The following XYLT1 variants were observed in gnomAD, a reference collection of about 807,000 sequenced individuals.
XYLT1 encodes the protein xylosyltransferase 1.
XYLT1 carries 36 observed loss-of-function variants against 91.3 expected under a neutral mutation model. That is an observed-to-expected ratio of 0.39 (90% CI 0.30 to 0.52). The LOEUF (loss-of-function observed/expected upper bound fraction) is 0.52. XYLT1 is among the 20% of genes least tolerant of loss of function. The pLI, the probability that XYLT1 is intolerant of heterozygous loss-of-function variation, is 0.68. For synonymous variants in XYLT1, 588 were observed against 532.0 expected (o/e 1.11, Z -1.45); for missense variants, 1,242 against 1,284.5 (o/e 0.97, Z 0.51).
rs201348549 is a variant in XYLT1, at chr16:17,117,841, C to T, written c.2362G>A (p.Val788Ile). 5.4e-5 allele frequency: 87 copies of T among 1,613,988 alleles called. No homozygotes were observed. Among genetic ancestry groups the T allele is most frequent in the Middle Eastern group, 3.3e-4 (2 of 6,084 alleles). The change falls in exon 11 of 12, where the codon GTC becomes ATC. Residue 788 changes from valine (V) to isoleucine (I), a missense_variant. Transcript: ENST00000261381. ...VTVTVIWVDP[V>I]NVIAATYDIL... ...TCGTAGGTGGCTGCGATGACATTGA[C>T]GGGATCCACCCAAATGACGGTCACG...
chr16:17,224,272 GA>G, intron 3 of XYLT1, among the ~76,000 whole-genome samples: 2 of 152,324 alleles, frequency 1.3e-5, no homozygotes, highest in East Asian at 3.9e-4. Context: ...GGGTGAAGGT[GA>G]ACCATTTACA....
intron 1 of XYLT1, among the ~76,000 whole-genome samples, chr16:17,435,123 G>A (rs753269359): frequency 1.8e-4 from 27 of 152,328 alleles, no homozygotes; most frequent in Non-Finnish European, 2.8e-4. Flanking sequence ...CTGCGTACAT[G>A]GTTCAGGTCC....
At position 17,358,048 on chromosome 16, in the gene XYLT1, A is replaced by G. The variant is rs532467057; in HGVS notation, c.366T>C (p.Asp122=). The G allele has an allele frequency of 5.5e-5, 88 of 1,613,540 alleles. 1 individual carries two copies. The South Asian group carries it at 8.7e-4, about 16-fold the overall frequency. Residue 122 remains aspartate, a splice_region_variant and synonymous_variant, in exon 2 of 12, where the codon GAT becomes GAC. Transcript: ENST00000261381. ...SRGALPARAL[D]PHPSPLITLE... is the part of the protein sequence containing the mutation. ...GGGTGATGAGCGGACTTGGGTGTGG[A>G]TCCTGTAGGATGAAAGGAGAAAATG...
intron 1 of XYLT1, among the ~76,000 whole-genome samples, chr16:17,406,045 C>T (rs543828281): frequency 8.5e-5 from 13 of 152,112 alleles, no homozygotes; most frequent in African/African-American, 2.9e-4. Flanking sequence ...ATTAGCCAGG[C>T]GTGGTGGTGC....
At chr16:17,418,951 G>C (rs900855272) in intron 1 of XYLT1, among the ~76,000 whole-genome samples, 2 of 151,954 alleles carry the variant, frequency 1.3e-5, no homozygotes, top group East Asian at 3.9e-4. Flanking sequence ...GAGCGCTGCT[G>C]TAGGCGATAT....
At chr16:17,368,546 A>G (rs2035483828) in intron 1 of XYLT1, among the ~76,000 whole-genome samples, 1 of 151,056 alleles carries the variant, frequency 6.6e-6, no homozygotes, top group Non-Finnish European at 1.5e-5. Flanking sequence ...AGAAGGCCAT[A>G]AAGACTGGAT....
Position 17,112,434 on chromosome 16 carries a change from T to C in XYLT1, c.2558-3417A>G, listed in dbSNP as rs550599516. On this transcript the variant is annotated intron_variant, in intron 11 of 11. Transcript: ENST00000261381. Reference sequence around the variant, plus strand: ...GGGCATGTGTAGGGAGAGCCCTGCCTTCCTTAGAAACCCTAGAAGAAAACA... The same window carrying C: ...GGGCATGTGTAGGGAGAGCCCTGCCCTCCTTAGAAACCCTAGAAGAAAACA... Among the ~76,000 whole-genome samples, 29 of 152,020 alleles carry C rather than the reference T, an allele frequency of 1.9e-4. No individual in the cohort carries two copies. The East Asian group carries it at 5.4e-3, about 29-fold the overall frequency.
intron 1 of XYLT1, among the ~76,000 whole-genome samples, chr16:17,450,366 A>AAAC (rs1567207553): frequency 4.7e-4 from 69 of 147,676 alleles, no homozygotes; most frequent in African/African-American, 1.3e-3. Context: ...AACAAACAAA[A>AAAC]AAAAAAAGGT....
intron 1 of XYLT1, among the ~76,000 whole-genome samples, chr16:17,414,349 G>A (rs1178543275): frequency 1.3e-5 from 2 of 151,926 alleles, no homozygotes; most frequent in African/African-American, 4.8e-5. Flanking sequence ...TTATTTTTTA[G>A]AGACAGGGTC....
At chr16:17,337,841 C>T (rs962106698) in intron 2 of XYLT1, among the ~76,000 whole-genome samples, 7 of 140,732 alleles carry the variant, frequency 5.0e-5, no homozygotes, top group African/African-American at 1.1e-4. Flanking sequence ...AGCGCAGTGA[C>T]GCCATCTCGG....
rs78915089 is a variant in XYLT1 at position 17,146,940 on chromosome 16, A to G, written c.1371-5571T>C. ...CACATCTTTCCACATGCAAAATCTG[A>G]GCTCATTAGCAAAGCCATGTTCTTG... On this transcript the variant is annotated intron_variant, in intron 6 of 11. Transcript: ENST00000261381. Among the ~76,000 whole-genome samples the G allele has an allele frequency of 5.3e-3, 809 of 152,274 alleles. 4 individuals are homozygous for G. The highest frequency in any genetic ancestry group is 9.7e-3 in the Non-Finnish European group (661 of 68,012).
chr16:17,151,745 G>A (rs532751465), intron 6 of XYLT1, among the ~76,000 whole-genome samples: 70 of 152,290 alleles, frequency 4.6e-4, no homozygotes, highest in Middle Eastern at 3.4e-3. Flanking sequence ...ATGCCATCCC[G>A]GCCTCCAATA....
chr16:17,237,342 C>G (rs2033265038), intron 3 of XYLT1, among the ~76,000 whole-genome samples: 1 of 151,460 alleles, frequency 6.6e-6, no homozygotes, highest in Non-Finnish European at 1.5e-5. Flanking sequence ...TTTTTTTTTC[C>G]AAATGGACTT....
chr16:17,272,012 A>G (rs1396807552), intron 2 of XYLT1, among the ~76,000 whole-genome samples: 2 of 152,138 alleles, frequency 1.3e-5, no homozygotes, highest in African/African-American at 4.8e-5. Context: ...ACCAGGGAGA[A>G]ATGGCAGCTG....
intron 5 of XYLT1, among the ~76,000 whole-genome samples, chr16:17,184,823 C>T (rs2032148705): frequency 6.6e-6 from 1 of 152,210 alleles, no homozygotes. Flanking sequence ...CAAGAGAGAA[C>T]TATCACATTT....
intron 1 of XYLT1, among the ~76,000 whole-genome samples, chr16:17,438,806 C>T (rs184014601): frequency 2.0e-5 from 3 of 152,144 alleles, no homozygotes; most frequent in East Asian, 3.9e-4. Flanking sequence ...CTCATTATCA[C>T]GAGAACAGTA....
intron 2 of XYLT1, among the ~76,000 whole-genome samples, chr16:17,278,824 T>C (rs2045498): frequency 0.54 from 81,977 of 152,074 alleles, 24,020 homozygotes; most frequent in African/African-American, 0.77. Flanking sequence ...GGATCCATCC[T>C]AGGTCTGATT....
chr16:17,126,458 C>T (rs961452532), intron 10 of XYLT1, among the ~76,000 whole-genome samples: 1 of 152,224 alleles, frequency 6.6e-6, no homozygotes, highest in Non-Finnish European at 1.5e-5. Flanking sequence ...CCAGCAAATC[C>T]ACTGGGAGTC....
rs905546866 is a variant in XYLT1, at chr16:17,102,722, G to C, written c.*5973C>G. 6 of 151,932 alleles carry C rather than the reference G, an allele frequency of 3.9e-5. No homozygotes were observed. The highest frequency in any genetic ancestry group is 8.8e-5 in the Non-Finnish European group (6 of 68,010). The allele number at this position is 151,932 out of a possible 1,614,324, so 9.4% of individuals were successfully genotyped here. Reference sequence around the variant, plus strand: ...AATAGCAAAATATCTACATATTTCAGCGTGTGCCATTTGAATTCTTTTTTT... The same window carrying C: ...AATAGCAAAATATCTACATATTTCACCGTGTGCCATTTGAATTCTTTTTTT... On this transcript the variant is annotated 3_prime_UTR_variant, in exon 12 of 12. Transcript: ENST00000261381.
Sources: gnomAD v4.1 joint callset for allele counts (sites outside exome capture counted in the v4.1 genomes callset) on GRCh38, gnomAD v4.1.1 for gene constraint, MANE v1.5 for transcripts, NCBI Gene and HGNC (gene_info 2026-07-23, HGNC 2026-07-21) for gene names.